The following MDGA2 variants were observed in gnomAD, a reference collection of about 807,000 sequenced individuals.
The protein encoded by MDGA2 is MAM domain containing glycosylphosphatidylinositol anchor 2, also known as MAM domain-containing glycosylphosphatidylinositol anchor protein 2.
A neutral mutation model predicts 117.8 loss-of-function variants in MDGA2; 40 were observed. That is an observed-to-expected ratio of 0.34 (90% CI 0.26 to 0.44). The LOEUF (loss-of-function observed/expected upper bound fraction) is 0.44. Ranked by LOEUF, MDGA2 falls within the 20% of genes least tolerant of loss-of-function variation. MDGA2 has a pLI of 1.00. For missense variants in MDGA2, 1,123 were observed against 1,250.6 expected, an observed-to-expected ratio of 0.90 and a Z score of 1.54; for synonymous variants, 452 against 439.0, an observed-to-expected ratio of 1.03 and a Z score of -0.37.
intron 1 of MDGA2, among the ~76,000 whole-genome samples, chr14:47,420,304 G>C (rs913901861): frequency 6.6e-6 from 1 of 152,020 alleles, no homozygotes; most frequent in African/African-American, 2.4e-5. Flanking sequence ...TAAAGATGAA[G>C]GATAAAGAAT....
rs1410062995 is a variant in MDGA2, at chr14:46,873,414, G to A, written c.2752+19C>T. 1.9e-6 allele frequency: 3 copies of A among 1,556,384 alleles called. No individual in the cohort carries two copies. Among genetic ancestry groups the A allele is most frequent in the Non-Finnish European group, 2.6e-6 (3 of 1,148,382 alleles). ...GTTATCATTAATTTTGTAAGAATCA[G>A]TAATTATTGCTATCTCACCTATATG... On this transcript the variant is annotated intron_variant, in intron 14 of 16. Coordinates refer to ENST00000399232, the MANE Select transcript of MDGA2 (RefSeq NM_001113498.3).
At chr14:47,415,914 C>T (rs928283683) in intron 1 of MDGA2, among the ~76,000 whole-genome samples, 3 of 152,094 alleles carry the variant, frequency 2.0e-5, no homozygotes, top group Non-Finnish European at 4.4e-5. Context: ...TGCATGACTT[C>T]GTCATCTGTT....
At chr14:47,258,520 C>T (rs1887695978) in intron 2 of MDGA2, among the ~76,000 whole-genome samples, 1 of 152,028 alleles carries the variant, frequency 6.6e-6, no homozygotes, top group South Asian at 2.1e-4. Context: ...GCCCCTCTTC[C>T]AACACTGGGG....
intron 7 of MDGA2, among the ~76,000 whole-genome samples, chr14:47,047,101 A>G (rs1003857504): frequency 6.6e-6 from 1 of 152,144 alleles, no homozygotes; most frequent in Non-Finnish European, 1.5e-5. Context: ...GAATTACACT[A>G]TATATTGTGA....
intron 1 of MDGA2, among the ~76,000 whole-genome samples, chr14:47,550,066 C>A (rs975893982): frequency 6.6e-6 from 1 of 152,184 alleles, no homozygotes; most frequent in Admixed American, 6.5e-5. Context: ...AAACTTCCTG[C>A]TGGGTATTGC....
chr14:47,650,368 GTTTC>G (rs1341571530), intron 1 of MDGA2, among the ~76,000 whole-genome samples: 1 of 152,124 alleles, frequency 6.6e-6, no homozygotes, highest in Non-Finnish European at 1.5e-5. Context: ...GAATAACATT[GTTTC>G]TTTCAACATC....
intron 1 of MDGA2, among the ~76,000 whole-genome samples, chr14:47,312,686 TTG>T (rs1566733727): frequency 1.1e-5 from 1 of 92,678 alleles, no homozygotes; most frequent in South Asian, 2.9e-4. Flanking sequence ...AGTTTTTTTT[TTG>T]TTTTGTTTTG....
intron 3 of MDGA2, among the ~76,000 whole-genome samples, chr14:47,191,290 A>C (rs915296798): frequency 4.6e-5 from 7 of 151,506 alleles, no homozygotes; most frequent in African/African-American, 1.7e-4. Flanking sequence ...TTATATATCT[A>C]TATTTTTAAA....
intron 1 of MDGA2, among the ~76,000 whole-genome samples, chr14:47,446,981 T>C (rs1486439536): frequency 6.6e-6 from 1 of 152,208 alleles, no homozygotes; most frequent in Non-Finnish European, 1.5e-5. Flanking sequence ...TTATATTGAA[T>C]GTGCTGAACA....
At chr14:47,491,307 A>C (rs1894164587) in intron 1 of MDGA2, among the ~76,000 whole-genome samples, 1 of 151,994 alleles carries the variant, frequency 6.6e-6, no homozygotes. Flanking sequence ...CAATAAACCA[A>C]CACCTCCTGA....
intron 1 of MDGA2, among the ~76,000 whole-genome samples, chr14:47,672,659 C>T (rs1002972854): frequency 6.6e-6 from 1 of 152,046 alleles, no homozygotes; most frequent in African/African-American, 2.4e-5. Context: ...CAAACCAGAA[C>T]AAAAAATTCC....
At chr14:46,870,026 G>T (rs558672614) in intron 14 of MDGA2, among the ~76,000 whole-genome samples, 1 of 152,038 alleles carries the variant, frequency 6.6e-6, no homozygotes, top group South Asian at 2.1e-4. Flanking sequence ...CCTTAGGAGA[G>T]ACTTTGAGCC....
At chr14:47,240,090 G>A (rs1326747121) in intron 2 of MDGA2, among the ~76,000 whole-genome samples, 1 of 151,710 alleles carries the variant, frequency 6.6e-6, no homozygotes, top group Non-Finnish European at 1.5e-5. Context: ...TGTTGCCCAG[G>A]CTGGAGTGCA....
chr14:47,395,843 A>G (rs1003440435), intron 1 of MDGA2, among the ~76,000 whole-genome samples: 2 of 152,156 alleles, frequency 1.3e-5, no homozygotes, highest in African/African-American at 4.8e-5. Context: ...AGTTTGTTAC[A>G]ATACTCACAA....
intron 4 of MDGA2, among the ~76,000 whole-genome samples, chr14:47,137,833 G>A (rs1724040427): frequency 6.6e-6 from 1 of 152,036 alleles, no homozygotes; most frequent in South Asian, 2.1e-4. Context: ...AGTTGTTCTG[G>A]GTGAGTTAAA....
chr14:47,538,751 C>T (rs929453370), intron 1 of MDGA2, among the ~76,000 whole-genome samples: 1 of 152,118 alleles, frequency 6.6e-6, no homozygotes, highest in Non-Finnish European at 1.5e-5. Context: ...AGGTAAAAAT[C>T]CCCTTGTCTA....
intron 14 of MDGA2, among the ~76,000 whole-genome samples, chr14:46,867,166 G>C (rs1219697094): frequency 6.6e-6 from 1 of 152,158 alleles, no homozygotes; most frequent in Non-Finnish European, 1.5e-5. Context: ...TGATAGACTG[G>C]ATTAAGAAAA....
intron 1 of MDGA2, among the ~76,000 whole-genome samples, chr14:47,425,024 C>T (rs1278676482): frequency 6.6e-6 from 1 of 152,062 alleles, no homozygotes; most frequent in Non-Finnish European, 1.5e-5. Flanking sequence ...AGAAGTAGCC[C>T]AAGTGGGATG....
chr14:47,326,408 C>T (rs1890143979), intron 1 of MDGA2, among the ~76,000 whole-genome samples: 1 of 152,024 alleles, frequency 6.6e-6, no homozygotes, highest in Non-Finnish European at 1.5e-5. Context: ...AAATAACTTG[C>T]CCAGGGTCAC....
Sources: allele counts gnomAD v4.1 joint callset (sites outside exome capture counted in the v4.1 genomes callset), GRCh38; gene constraint gnomAD v4.1.1; transcripts MANE v1.5; gene names NCBI Gene and HGNC (gene_info 2026-07-23, HGNC 2026-07-21).